Variants in AGBL1 observed in about 807,000 individuals in gnomAD.
The protein encoded by AGBL1 is cytosolic carboxypeptidase 4.
In AGBL1, 130 loss-of-function variants were observed where a neutral mutation model predicts 118.9. That is an observed-to-expected ratio of 1.09 (90% confidence interval 0.95 to 1.26). AGBL1 has a LOEUF of 1.26. AGBL1 is among the 50% of genes most tolerant of loss of function. The pLI is 0.00. For missense variants in AGBL1, 1,584 were observed against 1,298.1 expected (o/e 1.22, Z -3.38); for synonymous variants, 555 against 478.9 (o/e 1.16, Z -2.08).
intron 17 of AGBL1, among the ~76,000 whole-genome samples, chr15:86,363,052 G>A (rs143344558): frequency 1.4e-3 from 220 of 152,272 alleles, no homozygotes; most frequent in African/African-American, 5.0e-3. Flanking sequence ...AGTCTACAGG[G>A]GAATGGGGCT....
chr15:86,095,675 T>TA (rs1296380943), intron 1 of AGBL1, among the ~76,000 whole-genome samples: 4 of 136,084 alleles, frequency 2.9e-5, no homozygotes, highest in South Asian at 2.6e-4. Context: ...TTTTTTTTTT[T>TA]ACCTTACAGC....
intron 22 of AGBL1, among the ~76,000 whole-genome samples, chr15:86,769,153 T>G (rs2078136598): frequency 1.4e-5 from 1 of 71,370 alleles, no homozygotes; most frequent in African/African-American, 5.0e-5. Flanking sequence ...TTAAAGCTGT[T>G]GGTGGGCTTC....
At chr15:86,184,322 C>T (rs1381626091) in intron 5 of AGBL1, among the ~76,000 whole-genome samples, 1 of 151,976 alleles carries the variant, frequency 6.6e-6, no homozygotes, top group East Asian at 1.9e-4. Flanking sequence ...CATAGTAATT[C>T]TGTCTGTTAA....
At position 86,439,067 on chromosome 15, in the gene AGBL1, G is replaced by A. The variant is rs536281610; in HGVS notation, c.2555+41521G>A. ...GTTTGCGGGTGGCAAACTCAACCAG[G>A]TAGGGAATGCTGATGGGTGGAAGAG... On this transcript the variant is annotated intron_variant, in intron 18 of 22. Transcript: ENST00000614907. Among the ~76,000 whole-genome samples, 181 of 152,218 alleles carry A rather than the reference G, an allele frequency of 1.2e-3. 1 individual carries two copies. The highest frequency in any genetic ancestry group is 4.3e-3 in the African/African-American group (178 of 41,536).
chr15:86,266,541 A>G (rs2079075519), intron 12 of AGBL1, 84 bp downstream of exon 12: 2 of 930,296 alleles, frequency 2.1e-6, no homozygotes, highest in East Asian at 5.4e-5. Flanking sequence ...CCTGTTAATA[A>G]TCCACTCCTC....
At chr15:86,227,606 G>T (rs78495061) in intron 6 of AGBL1, among the ~76,000 whole-genome samples, 3,590 of 152,336 alleles carry the variant, frequency 0.024, 121 homozygotes, top group African/African-American at 0.075. Flanking sequence ...ATTTCCACTT[G>T]TTGAGAATCA....
intron 24 of AGBL1, among the ~76,000 whole-genome samples, chr15:86,992,847 C>T (rs1214223328): frequency 2.0e-5 from 3 of 152,026 alleles, no homozygotes; most frequent in Non-Finnish European, 4.4e-5. Context: ...CAGTTCCTAG[C>T]TTGGCTTTTC....
At chr15:86,323,154 C>T (rs936002862) in intron 17 of AGBL1, among the ~76,000 whole-genome samples, 6 of 124,300 alleles carry the variant, frequency 4.8e-5, no homozygotes, top group Non-Finnish European at 1.0e-4. Flanking sequence ...CTTAGGCCAG[C>T]ATAGTGATTT....
intron 22 of AGBL1, among the ~76,000 whole-genome samples, chr15:86,812,376 G>A (rs1429894784): frequency 1.3e-5 from 2 of 152,134 alleles, no homozygotes; most frequent in Non-Finnish European, 2.9e-5. Flanking sequence ...ATACAAAAGG[G>A]GTTGAACAAC....
At chr15:86,161,848 G>T (rs7173695) in intron 5 of AGBL1, among the ~76,000 whole-genome samples, 5,559 of 152,266 alleles carry the variant, frequency 0.037, 146 homozygotes, top group African/African-American at 0.071. Flanking sequence ...ATTCCTTGGC[G>T]AGTCATTTAA....
chr15:86,690,040 G>A (rs1029402346), intron 22 of AGBL1, among the ~76,000 whole-genome samples: 26 of 152,058 alleles, frequency 1.7e-4, no homozygotes, highest in African/African-American at 6.3e-4. Flanking sequence ...TTTTGCTGTG[G>A]TCAACACAAA....
At chr15:86,571,138 G>C (rs1157011744) in intron 21 of AGBL1, among the ~76,000 whole-genome samples, 1 of 152,130 alleles carries the variant, frequency 6.6e-6, no homozygotes, top group Non-Finnish European at 1.5e-5. Context: ...GCACCCTGAA[G>C]TTTGGAGATG....
At position 86,491,975 on chromosome 15, in the gene AGBL1, T is replaced by G. The variant is rs2082786275; in HGVS notation, c.2556-30835T>G. On this transcript the variant is annotated intron_variant, in intron 18 of 22. Coordinates refer to ENST00000614907, the MANE Select transcript of AGBL1 (RefSeq NM_001386094.1). ...TGGCCTAATACTACACATTCATGAT[T>G]TATCTTGGTTCTCACAATAGCCCTT... 3.3e-5 allele frequency among the ~76,000 whole-genome samples: 5 copies of G among 152,186 alleles called. No individual in the cohort carries two copies. In the South Asian group the frequency reaches 1.0e-3, roughly 32 times the overall value.
intron 22 of AGBL1, among the ~76,000 whole-genome samples, chr15:86,697,987 T>G (rs568259001): frequency 3.2e-4 from 49 of 152,130 alleles, no homozygotes; most frequent in African/African-American, 1.1e-3. Context: ...TCTATGAATT[T>G]TCTTAGCTTT....
At chr15:86,582,559 C>T (rs1187178214) in intron 21 of AGBL1, among the ~76,000 whole-genome samples, 4 of 152,168 alleles carry the variant, frequency 2.6e-5, no homozygotes, top group East Asian at 3.9e-4. Context: ...GACACATGCA[C>T]ACGTATGTTT....
At position 86,269,943 on chromosome 15, in the gene AGBL1, C is replaced by A. The variant is rs757868182; in HGVS notation, c.1863C>A (p.Asn621Lys). ...GGTTCGAGTATGACTTGCTGGTCAA[C>A]GCAGATGTGAATAGCACCCAGCACC... Reference protein sequence around the residue: ...VREFEYDLLVNADVNSTQHQQ... With the variant: ...VREFEYDLLVKADVNSTQHQQ... The change falls in exon 14 of 23, where the codon AAC becomes AAA. Residue 621 changes from asparagine (N) to lysine (K), a missense_variant. Asn to Lys is a moderately conservative substitution (Grantham distance 94). Coordinates refer to ENST00000614907, the MANE Select transcript of AGBL1 (RefSeq NM_001386094.1). 1.2e-6 allele frequency: 2 copies of A among 1,613,770 alleles called. No individual in the cohort carries two copies. The highest frequency in any genetic ancestry group is 2.7e-5 in the African/African-American group (2 of 74,922).
intron 18 of AGBL1, among the ~76,000 whole-genome samples, chr15:86,415,909 G>T (rs1162938907): frequency 7.9e-5 from 12 of 152,092 alleles, no homozygotes; most frequent in Admixed American, 7.9e-4. Flanking sequence ...AAAACAAAGA[G>T]AATATATCCT....
chr15:86,383,457 G>A (rs577294580), intron 17 of AGBL1, among the ~76,000 whole-genome samples: 2 of 151,626 alleles, frequency 1.3e-5, no homozygotes, highest in African/African-American at 2.4e-5. Context: ...GCATGGTGGC[G>A]GCGCCTGTAA....
At chr15:86,603,319 C>T (rs779452945) in intron 21 of AGBL1, among the ~76,000 whole-genome samples, 5 of 152,140 alleles carry the variant, frequency 3.3e-5, no homozygotes, top group African/African-American at 4.8e-5. Context: ...TTTAACATCT[C>T]ACTTTTATGT....
Sources: allele counts gnomAD v4.1 joint callset (sites outside exome capture counted in the v4.1 genomes callset), GRCh38; gene constraint gnomAD v4.1.1; transcripts MANE v1.5; gene names NCBI Gene and HGNC (gene_info 2026-07-23, HGNC 2026-07-21).